Variants in GP6 observed in about 807,000 individuals in gnomAD.
The protein encoded by GP6 is platelet glycoprotein VI.
A neutral mutation model predicts 37.3 loss-of-function variants in GP6; 45 were observed. The observed-to-expected ratio is 1.21, with a 90% CI of 0.95 to 1.55. GP6 has a LOEUF of 1.55. Among genes scored for constraint, GP6 ranks in the 40% most tolerant of loss-of-function variants. The pLI, the probability that GP6 is intolerant of heterozygous loss-of-function variation, is 0.00. For missense variants in GP6, 813 were observed against 760.2 expected (o/e 1.07, Z -0.82); for synonymous variants, 340 against 316.4 (o/e 1.07, Z -0.79).
chr19:55,030,370 C>G (rs34047549), intron 3 of GP6, among the ~76,000 whole-genome samples: 1 of 150,858 alleles, frequency 6.6e-6, no homozygotes, highest in Non-Finnish European at 1.5e-5. Context: ...TTTCCCAAGA[C>G]GGAGTCTTGC....
intron 1 of GP6, among the ~76,000 whole-genome samples, chr19:55,036,528 G>A (rs116249838): frequency 0.013 from 1,985 of 151,390 alleles, 38 homozygotes; most frequent in African/African-American, 0.045. Flanking sequence ...GCGGACCCCC[G>A]TAACTAAAAA....
intron 3 of GP6, 29 bp from the exon 4 acceptor site, chr19:55,027,891 A>C: frequency 6.2e-7 from 1 of 1,612,244 alleles, no homozygotes; most frequent in Non-Finnish European, 8.5e-7. Flanking sequence ...CTGATGTTGA[A>C]GGCAGGAGCC....
intron 4 of GP6, among the ~76,000 whole-genome samples, chr19:55,026,338 TTCTC>T (rs1400207136): frequency 6.6e-6 from 1 of 152,230 alleles, no homozygotes; most frequent in Non-Finnish European, 1.5e-5. Flanking sequence ...CACTAATTCC[TTCTC>T]TCTCCTCTTT....
chr19:55,016,375 CTTTTT>C (rs35960763), intron 6 of GP6, among the ~76,000 whole-genome samples: 1 of 108,746 alleles, frequency 9.2e-6, no homozygotes. Flanking sequence ...TACGTGCCAG[CTTTTT>C]TTTTTTTTTT....
At chr19:55,021,572 G>A (rs1237453596) in intron 5 of GP6, among the ~76,000 whole-genome samples, 6 of 143,110 alleles carry the variant, frequency 4.2e-5, no homozygotes, top group Non-Finnish European at 6.1e-5. Context: ...CCAGGCTGGA[G>A]TGCAGTGGCA....
chr19:55,033,821 G>A (rs930844934), intron 1 of GP6, among the ~76,000 whole-genome samples: 5 of 152,164 alleles, frequency 3.3e-5, no homozygotes, highest in Non-Finnish European at 7.3e-5. Flanking sequence ...GAGCCTCAGC[G>A]TGTAAGTCAG....
At chr19:55,035,640 C>G (rs978731829) in intron 1 of GP6, among the ~76,000 whole-genome samples, 2 of 151,700 alleles carry the variant, frequency 1.3e-5, no homozygotes, top group Non-Finnish European at 2.9e-5. Context: ...TCGCTTGAAC[C>G]TGGGAGGTGG....
chr19:55,015,251 CTAT>C (rs1239893359), intron 7 of GP6, 86 bp from the exon 8 acceptor site: 22 of 1,545,866 alleles, frequency 1.4e-5, no homozygotes, highest in African/African-American at 2.7e-5. Flanking sequence ...CTCAGAGATC[CTAT>C]TATTCTCTAC....
At chr19:55,021,677 C>G (rs547197068) in intron 5 of GP6, among the ~76,000 whole-genome samples, 116 of 152,034 alleles carry the variant, frequency 7.6e-4, no homozygotes, top group African/African-American at 2.7e-3. Context: ...CCCGCCACCA[C>G]GCCCGGCTAA....
At chr19:55,016,327 G>A (rs1338588926) in intron 6 of GP6, among the ~76,000 whole-genome samples, 1 of 150,180 alleles carries the variant, frequency 6.7e-6, no homozygotes. Flanking sequence ...AATAATGGTA[G>A]AAATATAAAG....
At chr19:55,033,353 G>A (rs370012323) in intron 1 of GP6, among the ~76,000 whole-genome samples, 10 of 60,748 alleles carry the variant, frequency 1.6e-4, no homozygotes, top group East Asian at 7.0e-4. Context: ...GACACGGTGG[G>A]CTCGTTCGTG....
intron 7 of GP6, 42 bp downstream of exon 7, chr19:55,015,641 C>G (rs748339028): frequency 1.6e-6 from 2 of 1,260,366 alleles, no homozygotes; most frequent in Admixed American, 1.7e-5. Context: ...GGTGAAGAGA[C>G]GGGTGAGAAG....
intron 5 of GP6, among the ~76,000 whole-genome samples, chr19:55,024,300 G>GCACACACACACGCA (rs369345826): frequency 8.2e-6 from 1 of 121,864 alleles, no homozygotes; most frequent in South Asian, 2.6e-4. Flanking sequence ...ATGCACGCAT[G>GCACACACACACGCA]CACACACATA....
Position 55,014,821 on chromosome 19 carries a change from C to G in GP6, c.1124G>C (p.Arg375Thr), listed in dbSNP as rs2073795351. ...ATGGCCTCGTTTCCACAGCTGTAGC[C>G]TCTGCCCTCCTGCTTCCACGCTCCA... The change falls in exon 8 of 8, where the codon AGG becomes ACG. Residue 375 changes from arginine (R) to threonine (T), a missense_variant. Physicochemically the swap from Arg to Thr is moderately conservative, Grantham distance 71 (BLOSUM62 -1). Transcript: ENST00000310373. The G allele has an allele frequency of 1.2e-6, 2 of 1,614,070 alleles. No individual in the cohort carries two copies. The highest frequency in any genetic ancestry group is 1.7e-6 in the Non-Finnish European group (2 of 1,179,986).
chr19:55,032,192 T>G lies in GP6; in HGVS notation c.272A>C (p.Gln91Pro). The G allele has an allele frequency of 6.2e-7, 1 of 1,614,040 alleles. No individual in the cohort carries two copies. The highest frequency in any genetic ancestry group is 8.5e-7 in the Non-Finnish European group (1 of 1,179,946). Reference sequence around the variant, plus strand: ...GGGCAGGGACCAGAGGCTTCCGTTCTGGTAGGAGCAGCGGTAGCGTCCAGC... The same window carrying G: ...GGGCAGGGACCAGAGGCTTCCGTTCGGGTAGGAGCAGCGGTAGCGTCCAGC... The change falls in exon 3 of 8, where the codon CAG (glutamine) becomes CCG (proline). Residue 91 changes from glutamine (Q) to proline (P), a missense_variant. Coordinates refer to ENST00000310373, the MANE Select transcript of GP6 (RefSeq NM_001083899.2).
At chr19:55,015,443 G>A (rs2073837198) in intron 7 of GP6, among the ~76,000 whole-genome samples, 1 of 152,122 alleles carries the variant, frequency 6.6e-6, no homozygotes, top group Non-Finnish European at 1.5e-5. Context: ...GCAAAAGAGA[G>A]GACAGTTATA....
chr19:55,016,238 A>G (rs769747064), intron 6 of GP6, among the ~76,000 whole-genome samples: 1 of 152,166 alleles, frequency 6.6e-6, no homozygotes, highest in Non-Finnish European at 1.5e-5. Flanking sequence ...CAAGTGACTC[A>G]GCATCTGTGA....
chr19:55,035,089 C>T (rs1477441293), intron 1 of GP6, among the ~76,000 whole-genome samples: 1 of 152,164 alleles, frequency 6.6e-6, no homozygotes, highest in Non-Finnish European at 1.5e-5. Context: ...GACTCCAAGT[C>T]GCCATAATCG....
intron 7 of GP6, 155 bp downstream of exon 7, chr19:55,015,528 G>T: frequency 1.5e-6 from 1 of 675,880 alleles, no homozygotes; most frequent in Non-Finnish European, 2.7e-6. Flanking sequence ...TGATCTTAAT[G>T]CCCAATTCTG....
Sources: allele counts gnomAD v4.1 joint callset (sites outside exome capture counted in the v4.1 genomes callset), GRCh38; gene constraint gnomAD v4.1.1; transcripts MANE v1.5; gene names NCBI Gene and HGNC (gene_info 2026-07-23, HGNC 2026-07-21).